ADGRB3: variants seen among roughly 807,000 people sequenced by gnomAD.
The protein encoded by ADGRB3 is brain-specific angiogenesis inhibitor 3.
ADGRB3 carries 37 observed loss-of-function variants against 193.4 expected under a neutral mutation model. The ratio of observed to expected loss-of-function variants is 0.19; its 90% CI spans 0.15 to 0.25. ADGRB3 has a LOEUF of 0.25. ADGRB3 is among the 10% of genes least tolerant of loss of function. The pLI is 1.00. For synonymous variants in ADGRB3, 690 were observed against 644.2 expected (o/e 1.07, Z -1.08); for missense variants, 1,637 against 1,852.9 (o/e 0.88, Z 2.14).
At chr6:69,104,306 G>A (rs932605110) in intron 17 of ADGRB3, among the ~76,000 whole-genome samples, 9 of 150,596 alleles carry the variant, frequency 6.0e-5, no homozygotes, top group South Asian at 4.2e-4. Context: ...TTGTTCTTGC[G>A]ATAGTTTACT....
chr6:68,839,865 G>A (rs1768117279), intron 3 of ADGRB3, among the ~76,000 whole-genome samples: 1 of 152,176 alleles, frequency 6.6e-6, no homozygotes, highest in Non-Finnish European at 1.5e-5. Flanking sequence ...GGCAGCTGCA[G>A]TGGGGCATGG....
chr6:69,365,462 C>T (rs1769547905), intron 29 of ADGRB3, among the ~76,000 whole-genome samples: 1 of 152,024 alleles, frequency 6.6e-6, no homozygotes, highest in Non-Finnish European at 1.5e-5. Flanking sequence ...ACTACATGGT[C>T]CCCTATGTGG....
At chr6:68,977,411 C>T (rs1768781804) in intron 10 of ADGRB3, among the ~76,000 whole-genome samples, 2 of 151,942 alleles carry the variant, frequency 1.3e-5, no homozygotes, top group South Asian at 4.1e-4. Context: ...AAGTAAATAA[C>T]AGAGCAATCT....
At chr6:69,017,389 C>T (rs1770125336) in intron 12 of ADGRB3, among the ~76,000 whole-genome samples, 1 of 151,808 alleles carries the variant, frequency 6.6e-6, no homozygotes, top group Non-Finnish European at 1.5e-5. Context: ...GCTGAATGGC[C>T]ACAAGAAATT....
chr6:68,776,088 CTG>C (rs1766741428), intron 3 of ADGRB3, among the ~76,000 whole-genome samples: 2 of 152,198 alleles, frequency 1.3e-5, no homozygotes, highest in Admixed American at 6.5e-5. Context: ...GATCCAGAGA[CTG>C]TGACAAACAT....
chr6:68,944,991 A>C (rs1767737582), intron 6 of ADGRB3, among the ~76,000 whole-genome samples: 1 of 152,086 alleles, frequency 6.6e-6, no homozygotes, highest in Non-Finnish European at 1.5e-5. Context: ...CATATCCTGA[A>C]ACTCACCCTC....
chr6:68,937,297 G>A (rs1408572043), intron 5 of ADGRB3, among the ~76,000 whole-genome samples: 1 of 152,166 alleles, frequency 6.6e-6, no homozygotes, highest in Non-Finnish European at 1.5e-5. Flanking sequence ...CTTAGTGTCA[G>A]ATTTTCCATG....
intron 20 of ADGRB3, among the ~76,000 whole-genome samples, chr6:69,257,032 C>T (rs1035381668): frequency 6.6e-6 from 1 of 151,934 alleles, no homozygotes; most frequent in Non-Finnish European, 1.5e-5. Flanking sequence ...TTGAACCAGC[C>T]TTGCATCCCA....
intron 29 of ADGRB3, among the ~76,000 whole-genome samples, chr6:69,362,534 A>G (rs1460240904): frequency 2.0e-5 from 3 of 151,970 alleles, no homozygotes; most frequent in African/African-American, 7.2e-5. Flanking sequence ...TGAATAAGGT[A>G]ATTTTCAGGG....
At chr6:68,877,896 G>A (rs994950139) in intron 3 of ADGRB3, among the ~76,000 whole-genome samples, 1 of 151,770 alleles carries the variant, frequency 6.6e-6, no homozygotes, top group African/African-American at 2.4e-5. Context: ...TAAAAAATGA[G>A]GTCAACCAAT....
chr6:69,195,809 T>G (rs1192573765), intron 17 of ADGRB3, among the ~76,000 whole-genome samples: 1 of 152,198 alleles, frequency 6.6e-6, no homozygotes, highest in Non-Finnish European at 1.5e-5. Context: ...TATGCCACGT[T>G]TCTCAATATC....
chr6:69,262,934 T>C (rs1766960405), intron 20 of ADGRB3, among the ~76,000 whole-genome samples: 1 of 151,988 alleles, frequency 6.6e-6, no homozygotes. Flanking sequence ...GTAGTGTGTT[T>C]GAGACCTTAC....
At chr6:68,922,133 G>A (rs891307328) in intron 3 of ADGRB3, among the ~76,000 whole-genome samples, 1 of 151,994 alleles carries the variant, frequency 6.6e-6, no homozygotes, top group Non-Finnish European at 1.5e-5. Context: ...ATCAGACTAG[G>A]GATAACAATA....
intron 17 of ADGRB3, among the ~76,000 whole-genome samples, chr6:69,188,309 C>CT (rs1215941994): frequency 2.1e-4 from 32 of 151,798 alleles, no homozygotes; most frequent in Middle Eastern, 6.8e-3. Flanking sequence ...CCTGGAATTT[C>CT]TTTTTTTTCT....
chr6:68,885,690 G>A (rs1765887652), intron 3 of ADGRB3, among the ~76,000 whole-genome samples: 1 of 152,128 alleles, frequency 6.6e-6, no homozygotes, highest in Admixed American at 6.5e-5. Context: ...AGAAAGGGGA[G>A]ATATTGATCA....
At chr6:69,127,836 G>A (rs574723047) in intron 17 of ADGRB3, among the ~76,000 whole-genome samples, 63 of 152,104 alleles carry the variant, frequency 4.1e-4, no homozygotes, top group African/African-American at 1.2e-3. Context: ...GAATGTTCCC[G>A]TGACCTGGGA....
chr6:68,930,537 T>C (rs774802800), intron 3 of ADGRB3, 22 bp from the exon 4 acceptor site: 5 of 1,541,200 alleles, frequency 3.2e-6, no homozygotes, highest in Non-Finnish European at 3.6e-6. Context: ...CAAGCTTTCA[T>C]ATACCTTTAT....
At chr6:69,377,122 C>G (rs1769842010) in intron 30 of ADGRB3, among the ~76,000 whole-genome samples, 1 of 151,978 alleles carries the variant, frequency 6.6e-6, no homozygotes, top group African/African-American at 2.4e-5. Context: ...AAGCTAAATC[C>G]CTGTAGTGTG....
chr6:69,021,304 C>T (rs1770256273), intron 13 of ADGRB3, among the ~76,000 whole-genome samples: 1 of 151,772 alleles, frequency 6.6e-6, no homozygotes, highest in Non-Finnish European at 1.5e-5. Context: ...TGTATAGCTG[C>T]CTCACTTTTC....
Sources: gnomAD v4.1 joint callset for allele counts (sites outside exome capture counted in the v4.1 genomes callset) on GRCh38, gnomAD v4.1.1 for gene constraint, MANE v1.5 for transcripts, NCBI Gene and HGNC (gene_info 2026-07-23, HGNC 2026-07-21) for gene names.